Variants in KRT8 observed in about 807,000 individuals in gnomAD.
The protein encoded by KRT8 is keratin, type II cytoskeletal 8.
Under a neutral mutation model 43.0 loss-of-function variants are expected in KRT8, and 24 were observed. That is an observed-to-expected ratio of 0.56 (90% CI 0.40 to 0.78). The LOEUF is 0.78. Among genes scored for constraint, KRT8 ranks in the 30% least tolerant of loss-of-function variants. KRT8 has a pLI of 0.00. For missense variants in KRT8, 492 were observed against 638.4 expected, an observed-to-expected ratio of 0.77 and a Z score of 2.47; for synonymous variants, 214 against 261.2, an observed-to-expected ratio of 0.82 and a Z score of 1.74.
chr12:52,931,315 C>T (rs747404935), intron 2 of KRT8, among the ~76,000 whole-genome samples: 1 of 152,028 alleles, frequency 6.6e-6, no homozygotes, highest in Non-Finnish European at 1.5e-5. Context: ...GATCCTCCCG[C>T]CTCGGCCTCC....
rs114551282 is a variant in KRT8 at position 52,921,422 on chromosome 12, C to T, written c.-46-16395G>A. The stretch of plus-strand genomic sequence containing the variant: ...GCAAAAGTCAAACTCCCTAGTCCTC[C>T]TCCTGGACCCACAGTTCTATGGCTT... On this transcript the variant is annotated intron_variant, in intron 2 of 6. Transcript: ENST00000546826. Among the ~76,000 whole-genome samples, 535 of 152,274 alleles carry T rather than the reference C, an allele frequency of 3.5e-3. 4 individuals carry two copies. The highest frequency in any genetic ancestry group is 0.012 in the African/African-American group (511 of 41,542).
upstream of KRT8, among the ~76,000 whole-genome samples, chr12:52,912,006 G>T (rs1941645974): frequency 2.6e-5 from 4 of 152,360 alleles, no homozygotes; most frequent in South Asian, 8.3e-4. Flanking sequence ...TCCAGTCTGG[G>T]TGACAGAGTG....
chr12:52,932,310 A>G (rs1346072948), intron 2 of KRT8, among the ~76,000 whole-genome samples: 1 of 151,464 alleles, frequency 6.6e-6, no homozygotes, highest in Non-Finnish European at 1.5e-5. Flanking sequence ...GCTGGTCTTG[A>G]ACTCCTGACC....
chr12:52,921,432 C>G (rs1006040508), intron 2 of KRT8, among the ~76,000 whole-genome samples: 2 of 152,182 alleles, frequency 1.3e-5, no homozygotes, highest in Non-Finnish European at 2.9e-5. Context: ...CTCCTGGACC[C>G]ACAGTTCTAT....
chr12:52,926,310 C>A, intron 2 of KRT8: 2 of 1,027,448 alleles, frequency 1.9e-6, no homozygotes, highest in Non-Finnish European at 2.9e-6. Context: ...TGAGGCTTAG[C>A]CTTCCCCACC....
chr12:52,938,125 C>A (rs548252316), intron 2 of KRT8, among the ~76,000 whole-genome samples: 1 of 100,240 alleles, frequency 1.0e-5, no homozygotes, highest in Non-Finnish European at 2.1e-5. Flanking sequence ...CATTACACAC[C>A]CACTAGAAAG....
chr12:52,909,886 T>C (rs550617214), upstream of KRT8, among the ~76,000 whole-genome samples: 4 of 152,290 alleles, frequency 2.6e-5, no homozygotes, highest in South Asian at 8.3e-4. Context: ...AGCCTTGTTG[T>C]GGAGGAAGGA....
chr12:52,904,080 C>T (rs935747170), intron 1 of KRT8, among the ~76,000 whole-genome samples: 3 of 151,864 alleles, frequency 2.0e-5, no homozygotes, highest in African/African-American at 7.3e-5. Context: ...TGAACCGAGA[C>T]ACCCACTTCC....
chr12:52,949,277 T>C, intron 2 of KRT8: 1 of 1,610,744 alleles, frequency 6.2e-7, no homozygotes, highest in Non-Finnish European at 8.5e-7. Context: ...GCGGCCAGCG[T>C]CTATGCAGGC....
chr12:52,939,813 C>T lies in KRT8; in HGVS notation c.-47+9643G>A, dbSNP rs569564191. The stretch of plus-strand genomic sequence containing the variant: ...AATTGCTAAAAACTGGAGCTGAGCA[C>T]TGTGCCTCATGCCTGTAATCCCAGC... On this transcript the variant is annotated intron_variant, in intron 2 of 6. Coordinates refer to the KRT8 transcript ENST00000546826. Among the ~76,000 whole-genome samples the T allele has an allele frequency of 5.3e-4, 81 of 152,074 alleles. No homozygotes were observed. In the South Asian group the frequency reaches 7.9e-3, roughly 15 times the overall value.
At chr12:52,944,673 C>T (rs1198358093) in intron 2 of KRT8, among the ~76,000 whole-genome samples, 4 of 152,196 alleles carry the variant, frequency 2.6e-5, no homozygotes, top group African/African-American at 9.7e-5. Context: ...GGCAGCCACA[C>T]GCTTCTCAGC....
chr12:52,933,625 TA>T (rs1208637938), intron 2 of KRT8, among the ~76,000 whole-genome samples: 2 of 152,128 alleles, frequency 1.3e-5, no homozygotes, highest in East Asian at 3.9e-4. Flanking sequence ...TTTTATTTTT[TA>T]TTTTTTTATT....
Position 52,949,626 on chromosome 12 carries a change from T to G in KRT8, c.-176-41A>C, listed in dbSNP as rs751059151. 1.9e-6 allele frequency: 3 copies of G among 1,564,872 alleles called. No homozygotes were observed. The South Asian group carries it at 3.3e-5, about 17-fold the overall frequency. On this transcript the variant is annotated intron_variant, in intron 1 of 6. Transcript: ENST00000546826. ...GGAGGGACCTCAACTCCCAGCCTTG[T>G]CTGACCCTCCAATTATACACTCCTT...
At chr12:52,912,130 CAGGGCA>C (rs914530217) in intron 2 of KRT8, among the ~76,000 whole-genome samples, 1 of 152,214 alleles carries the variant, frequency 6.6e-6, no homozygotes, top group African/African-American at 2.4e-5. Flanking sequence ...GCACCTACCA[CAGGGCA>C]AGGTCTGAGG....
In KRT8 at chr12:52,900,649, A is replaced by T. The variant is rs1382490992; in HGVS notation, c.629T>A (p.Leu210Gln). Residue 210 changes from leucine (L) to glutamine (Q), a missense_variant, in exon 4 of 8, where the codon CTG (leucine) becomes CAG (glutamine). This residue lies in a region of KRT8 where 389 missense variants were observed against 485.7 expected (regional missense o/e 0.80). Transcript: ENST00000692008. ...GGTCAGCCCTTCCAGGCGAGACTCC[A>T]GCTCTACCTTGTTCATGTAAGCTTC... The T allele has an allele frequency of 4.3e-6, 7 of 1,613,376 alleles. No individual in the cohort carries two copies. The Middle Eastern group carries it at 6.7e-4, about 154-fold the overall frequency.
chr12:52,905,045 G>A (rs756720716), exon 1 of KRT8: 6 of 1,550,458 alleles, frequency 3.9e-6, no homozygotes, highest in East Asian at 4.7e-5. Context: ...GAGCGGAGAA[G>A]CTGCTTCTTG....
chr12:52,933,904 C>T (rs1381282352), intron 2 of KRT8, among the ~76,000 whole-genome samples: 4 of 150,534 alleles, frequency 2.7e-5, no homozygotes, highest in South Asian at 2.2e-4. Flanking sequence ...GGATTTTAGG[C>T]GTGAGCCACC....
intron 3 of KRT8, chr12:52,900,899 T>C: frequency 3.2e-6 from 2 of 634,510 alleles, no homozygotes; most frequent in Non-Finnish European, 5.7e-6. Context: ...CACCTCCTTC[T>C]CTAGGGAGCC....
At chr12:52,897,256 T>C (rs769858185) in exon 8 of KRT8, 5 of 693,726 alleles carry the variant, frequency 7.2e-6, no homozygotes, top group African/African-American at 1.8e-5. Context: ...GTTTTGTAGC[T>C]GGAGGCATGG....
Sources: allele counts gnomAD v4.1 joint callset (sites outside exome capture counted in the v4.1 genomes callset), GRCh38; gene constraint gnomAD v4.1.1; regional missense constraint gnomAD v4.1.1; transcripts MANE v1.5; gene names NCBI Gene and HGNC (gene_info 2026-07-23, HGNC 2026-07-21).